Variants in SAMHD1 observed in about 807,000 individuals in gnomAD.
SAMHD1 encodes SAM and HD domain containing deoxynucleoside triphosphate triphosphohydrolase 1.
In SAMHD1, 54 loss-of-function variants were observed where a neutral mutation model predicts 79.6. That is an observed-to-expected ratio of 0.68 (90% CI 0.55 to 0.85). SAMHD1 has a LOEUF of 0.85. Ranked by LOEUF, SAMHD1 falls within the 40% of genes least tolerant of loss-of-function variation. The pLI, the probability that SAMHD1 is intolerant of heterozygous loss-of-function variation, is 0.00. For synonymous variants in SAMHD1, 260 were observed against 264.1 expected (o/e 0.98, Z 0.15); for missense variants, 663 against 782.7 (o/e 0.85, Z 1.82).
chr20:36,893,097 A>T, intron 15 of SAMHD1, 31 bp from the exon 16 acceptor site: 1 of 1,609,798 alleles, frequency 6.2e-7, no homozygotes, highest in African/African-American at 1.3e-5. Context: ...AACAGGCAAT[A>T]GAGAAAAGCC....
intron 13 of SAMHD1, 194 bp downstream of exon 13, chr20:36,903,963 T>A: frequency 1.8e-6 from 1 of 559,190 alleles, no homozygotes; most frequent in Non-Finnish European, 3.2e-6. Context: ...ATGACCACAA[T>A]TATATTAAAA....
chr20:36,893,220 C>CCAAGCACAGGGCATA, intron 15 of SAMHD1, 154 bp from the exon 16 acceptor site: 1 of 902,830 alleles, frequency 1.1e-6, no homozygotes, highest in Non-Finnish European at 1.7e-6. Context: ...TACATATGCC[C>CCAAGCACAGGGCATA]TGTGCTTGGG....
chr20:36,890,178 T>C (rs1459205787), downstream of SAMHD1: 1 of 152,204 alleles, frequency 6.6e-6, no homozygotes, highest in African/African-American at 2.4e-5. Context: ...TATGCATTTT[T>C]GGACAAAGAG....
chr20:36,901,628 C>G (rs746905309), intron 13 of SAMHD1, among the ~76,000 whole-genome samples: 7 of 151,858 alleles, frequency 4.6e-5, no homozygotes, highest in Admixed American at 2.6e-4. Flanking sequence ...CCTAGCTACT[C>G]AGGAGGCTGA....
Position 36,934,893 on chromosome 20 carries a change from T to C in SAMHD1, c.509+136A>G. 9 of 847,294 alleles carry C rather than the reference T, an allele frequency of 1.1e-5. No individual in the cohort carries two copies. In the South Asian group the frequency reaches 1.3e-4, roughly 12 times the overall value. The allele number at this position is 847,294 out of a possible 1,614,324, so 52.5% of individuals were successfully genotyped here. Reference sequence around the variant, plus strand: ...GGCTGGTCTTGAACTCCTGACCTCATGTGATCCACCCACCTCTGCCTCCCA... The same window carrying C: ...GGCTGGTCTTGAACTCCTGACCTCACGTGATCCACCCACCTCTGCCTCCCA... On this transcript the variant is annotated intron_variant, in intron 4 of 15. Coordinates refer to ENST00000646673, the MANE Select transcript of SAMHD1 (RefSeq NM_015474.4).
chr20:36,911,872 C>T (rs1302632020), intron 10 of SAMHD1: 1 of 174,264 alleles, frequency 5.7e-6, no homozygotes, highest in Non-Finnish European at 1.2e-5. Flanking sequence ...ATTTTAGAGA[C>T]ATGGAAGAAG....
intron 3 of SAMHD1, among the ~76,000 whole-genome samples, chr20:36,936,890 CA>C (rs1390599369): frequency 1.1e-4 from 17 of 152,058 alleles, no homozygotes; most frequent in Admixed American, 1.1e-3. Context: ...CTTGTAATGC[CA>C]GCACTTTGGG....
At chr20:36,943,220 G>C (rs533345072) in intron 2 of SAMHD1, among the ~76,000 whole-genome samples, 1 of 152,258 alleles carries the variant, frequency 6.6e-6, no homozygotes, top group Admixed American at 6.5e-5. Context: ...TGGATGGAGT[G>C]GTGGGTAGGG....
intron 2 of SAMHD1, among the ~76,000 whole-genome samples, chr20:36,943,612 T>C (rs2063662721): frequency 6.6e-6 from 1 of 152,170 alleles, no homozygotes; most frequent in African/African-American, 2.4e-5. Flanking sequence ...TTTCCAAAAA[T>C]ATTCACTGAA....
Position 36,891,623 on chromosome 20 carries a change from G to A in SAMHD1, c.*1309C>T, listed in dbSNP as rs1011091024. On this transcript the variant is annotated 3_prime_UTR_variant, in exon 16 of 16. Coordinates refer to ENST00000646673, the MANE Select transcript of SAMHD1 (RefSeq NM_015474.4). ...GTGCCCACTCCACTGCTGGGAAAAC[G>A]AAGTTACCTAGCGGAGCCTGGAGCC... 2.6e-5 allele frequency: 4 copies of A among 152,290 alleles called. No individual in the cohort carries two copies. Among genetic ancestry groups the A allele is most frequent in the Admixed American group, 6.5e-5 (1 of 15,288 alleles). 9.4% of individuals were successfully genotyped at this position (152,290 alleles called of 1,614,324 possible). A position where few individuals can be genotyped will look rare whatever the true frequency, so the allele number is the denominator to read the frequency against.
rs537446646 is a variant in SAMHD1 at position 36,905,424 on chromosome 20, G to A, written c.1350C>T (p.Tyr450=). 3.1e-6 allele frequency: 5 copies of A among 1,612,928 alleles called. No individual in the cohort carries two copies. The highest frequency in any genetic ancestry group is 2.2e-5 in the East Asian group (1 of 44,852). The stretch of plus-strand genomic sequence containing the variant: ...CACCCACATACTTGAATAGATTACG[G>A]TATTCAATTTGTTTTAAAATCTCTC... ...DAREILKQIE[Y]RNLFKYVGET... is the part of the protein sequence containing the mutation. Residue 450 remains tyrosine, a synonymous_variant, in exon 12 of 16, where the codon TAC becomes TAT. Transcript: ENST00000646673.
chr20:36,940,807 T>C (rs1400913827), intron 3 of SAMHD1: 3 of 567,252 alleles, frequency 5.3e-6, no homozygotes, highest in Non-Finnish European at 9.4e-6. Context: ...TTTGACAAGT[T>C]GGGTAGTGGT....
chr20:36,919,241 A>T, intron 7 of SAMHD1, 123 bp downstream of exon 7: 1 of 889,510 alleles, frequency 1.1e-6, no homozygotes, highest in South Asian at 1.6e-5. Flanking sequence ...AAACAGTAGA[A>T]ACATAGAACT....
chr20:36,944,533 T>C (rs941270256), intron 2 of SAMHD1, among the ~76,000 whole-genome samples: 2 of 152,200 alleles, frequency 1.3e-5, no homozygotes, highest in Non-Finnish European at 2.9e-5. Flanking sequence ...GTAACTAAAA[T>C]TTCAGAAGAG....
chr20:36,918,043 G>C (rs2063485908), intron 7 of SAMHD1, among the ~76,000 whole-genome samples: 1 of 151,650 alleles, frequency 6.6e-6, no homozygotes, highest in African/African-American at 2.4e-5. Context: ...TTGTAGACAG[G>C]ATCTAGCTCT....
intron 6 of SAMHD1, among the ~76,000 whole-genome samples, chr20:36,919,760 T>C (rs2063494930): frequency 1.3e-5 from 2 of 152,132 alleles, no homozygotes; most frequent in Non-Finnish European, 2.9e-5. Context: ...CATTTAATGA[T>C]ATAATCATTT....
chr20:36,920,454 C>T (rs2063498016), intron 6 of SAMHD1, among the ~76,000 whole-genome samples: 1 of 152,122 alleles, frequency 6.6e-6, no homozygotes, highest in Non-Finnish European at 1.5e-5. Flanking sequence ...GCTCCAGAAA[C>T]TATTCTTAAA....
chr20:36,948,992 C>T (rs993217466), intron 1 of SAMHD1, among the ~76,000 whole-genome samples: 36 of 150,290 alleles, frequency 2.4e-4, no homozygotes, highest in African/African-American at 7.6e-4. Context: ...CGGCCGGGCG[C>T]GGTGGCTCAC....
chr20:36,937,857 T>C (rs1283885755), intron 3 of SAMHD1, among the ~76,000 whole-genome samples: 2 of 105,376 alleles, frequency 1.9e-5, no homozygotes, highest in African/African-American at 1.0e-4. Flanking sequence ...ACAATGTTGG[T>C]TTGTTTTTTT....
Sources: allele counts gnomAD v4.1 joint callset (sites outside exome capture counted in the v4.1 genomes callset), GRCh38; gene constraint gnomAD v4.1.1; transcripts MANE v1.5; gene names NCBI Gene and HGNC (gene_info 2026-07-23, HGNC 2026-07-21).